The following RIT2 variants were observed in gnomAD, a reference collection of about 807,000 sequenced individuals.
RIT2 encodes the protein Ras like without CAAX 2.
In RIT2, 24 loss-of-function variants were observed where a neutral mutation model predicts 23.7. That is an observed-to-expected ratio of 1.01 (90% CI 0.73 to 1.43). RIT2 has a LOEUF of 1.43. Ranked by LOEUF, RIT2 falls within the 40% of genes most tolerant of loss-of-function variation. The pLI, the probability that RIT2 is intolerant of heterozygous loss-of-function variation, is 0.00. For missense variants in RIT2, 236 were observed against 266.9 expected, an observed-to-expected ratio of 0.88 and a Z score of 0.81; for synonymous variants, 107 against 91.1, an observed-to-expected ratio of 1.17 and a Z score of -0.99.
intron 3 of RIT2, among the ~76,000 whole-genome samples, chr18:42,952,460 T>A (rs77343892): frequency 0.011 from 1,693 of 152,206 alleles, 31 homozygotes; most frequent in African/African-American, 0.038. Context: ...ATCTACTGTA[T>A]ACTATAGTGA....
intron 4 of RIT2, among the ~76,000 whole-genome samples, chr18:42,921,723 C>T (rs1053781340): frequency 5.3e-5 from 8 of 152,084 alleles, no homozygotes; most frequent in African/African-American, 1.9e-4. Flanking sequence ...GCTTTCCTAA[C>T]TGAAACCCTG....
chr18:42,761,478 C>T (rs1319397068), intron 4 of RIT2, among the ~76,000 whole-genome samples: 1 of 152,150 alleles, frequency 6.6e-6, no homozygotes, highest in Non-Finnish European at 1.5e-5. Flanking sequence ...ATCTCTATGT[C>T]TCTTACAAGT....
chr18:42,798,931 T>C (rs7242948), intron 4 of RIT2, among the ~76,000 whole-genome samples: 48,396 of 151,930 alleles, frequency 0.32, 10,709 homozygotes, highest in African/African-American at 0.62. Context: ...ATTCTGGAGG[T>C]TTTTCACAGG....
At chr18:42,810,641 C>G (rs184719363) in intron 4 of RIT2, among the ~76,000 whole-genome samples, 1 of 151,940 alleles carries the variant, frequency 6.6e-6, no homozygotes, top group African/African-American at 2.4e-5. Context: ...CTATAAATAA[C>G]TGCTTGCCTT....
At chr18:42,809,180 G>A (rs534100513) in intron 4 of RIT2, among the ~76,000 whole-genome samples, 7 of 152,106 alleles carry the variant, frequency 4.6e-5, no homozygotes, top group Non-Finnish European at 8.8e-5. Context: ...TCTGATTTGA[G>A]TCATAAAATT....
At chr18:43,056,703 A>G (rs1413692358) in intron 1 of RIT2, among the ~76,000 whole-genome samples, 1 of 152,162 alleles carries the variant, frequency 6.6e-6, no homozygotes, top group East Asian at 1.9e-4. Flanking sequence ...GCCAAAGTCT[A>G]TGGAGACTAC....
chr18:42,897,827 G>A (rs1441995003), intron 4 of RIT2, among the ~76,000 whole-genome samples: 5 of 152,148 alleles, frequency 3.3e-5, no homozygotes, highest in African/African-American at 9.7e-5. Context: ...GTATAAAGAT[G>A]CCTGGATGTA....
intron 4 of RIT2, among the ~76,000 whole-genome samples, chr18:42,802,771 A>C (rs1905577660): frequency 6.6e-6 from 1 of 152,222 alleles, no homozygotes; most frequent in Admixed American, 6.5e-5. Flanking sequence ...ATGTTTTCAT[A>C]CTTCCTCACT....
At chr18:43,004,056 C>T (rs2144245735) in intron 2 of RIT2, among the ~76,000 whole-genome samples, 1 of 151,918 alleles carries the variant, frequency 6.6e-6, no homozygotes, top group East Asian at 2.0e-4. Context: ...GGCTGTTTCA[C>T]CTGCCGAAAA....
intron 4 of RIT2, among the ~76,000 whole-genome samples, chr18:42,882,789 T>C (rs544554013): frequency 6.6e-6 from 1 of 152,272 alleles, no homozygotes; most frequent in African/African-American, 2.4e-5. Context: ...ATTTGGATGA[T>C]TTCCTCTGAT....
chr18:43,030,484 G>A (rs1020108447), intron 2 of RIT2, among the ~76,000 whole-genome samples: 1 of 152,022 alleles, frequency 6.6e-6, no homozygotes, highest in African/African-American at 2.4e-5. Context: ...GCAAGACCAT[G>A]AGAGTCTTCA....
intron 3 of RIT2, among the ~76,000 whole-genome samples, chr18:42,955,614 G>A (rs1030440617): frequency 6.6e-6 from 1 of 152,172 alleles, no homozygotes; most frequent in Non-Finnish European, 1.5e-5. Flanking sequence ...CTGGTTATAT[G>A]CCTGAGTCTC....
At chr18:42,784,153 C>A (rs1324272673) in intron 4 of RIT2, among the ~76,000 whole-genome samples, 3 of 151,884 alleles carry the variant, frequency 2.0e-5, no homozygotes, top group Non-Finnish European at 4.4e-5. Context: ...ATTATATTTG[C>A]CCATCTCCCT....
chr18:42,992,163 C>T (rs1347345150), intron 2 of RIT2, among the ~76,000 whole-genome samples: 2 of 152,080 alleles, frequency 1.3e-5, no homozygotes, highest in South Asian at 2.1e-4. Flanking sequence ...TCCACTTCTT[C>T]TCCCTTAGCC....
At chr18:42,772,127 C>T (rs1913565828) in intron 4 of RIT2, among the ~76,000 whole-genome samples, 1 of 152,052 alleles carries the variant, frequency 6.6e-6, no homozygotes, top group African/African-American at 2.4e-5. Flanking sequence ...AAGTGACTCA[C>T]CCTAGGTCAC....
In RIT2 at chr18:43,051,063, C is replaced by T. The variant is rs566347848; in HGVS notation, c.104-17196G>A. 3.3e-4 allele frequency among the ~76,000 whole-genome samples: 50 copies of T among 152,112 alleles called. No homozygotes were observed. In the South Asian group the frequency reaches 4.6e-3, roughly 14 times the overall value. ...AAGTTCCAGAGGCTCGGACTTACAA[C>T]TAGTGTCTGGCATGAAGGGGGGAAT... On this transcript the variant is annotated intron_variant, in intron 1 of 4. Coordinates refer to ENST00000326695, the MANE Select transcript of RIT2 (RefSeq NM_002930.4).
chr18:42,810,598 A>G (rs17634039), intron 4 of RIT2, among the ~76,000 whole-genome samples: 15,060 of 151,990 alleles, frequency 0.099, 941 homozygotes, highest in Middle Eastern at 0.24. Flanking sequence ...TGACCAGTCC[A>G]TTAATCTCAA....
chr18:42,849,959 C>A (rs1907006323), intron 4 of RIT2, among the ~76,000 whole-genome samples: 1 of 152,014 alleles, frequency 6.6e-6, no homozygotes, highest in Admixed American at 6.6e-5. Context: ...TTCCCTTAAA[C>A]AATAATAGTC....
intron 4 of RIT2, among the ~76,000 whole-genome samples, chr18:42,809,014 G>A (rs1905765560): frequency 6.6e-6 from 1 of 152,114 alleles, no homozygotes; most frequent in Non-Finnish European, 1.5e-5. Flanking sequence ...TGAAATTTTG[G>A]ATTCAAACTG....
Sources: allele counts gnomAD v4.1 joint callset (sites outside exome capture counted in the v4.1 genomes callset), GRCh38; gene constraint gnomAD v4.1.1; transcripts MANE v1.5; gene names NCBI Gene and HGNC (gene_info 2026-07-23, HGNC 2026-07-21).